The following NELL2 variants were observed in gnomAD, a reference collection of about 807,000 sequenced individuals.
NELL2 encodes protein kinase C-binding protein NELL2.
NELL2 carries 41 observed loss-of-function variants against 109.6 expected under a neutral mutation model. The ratio of observed to expected loss-of-function variants is 0.37; its 90% CI spans 0.29 to 0.49. The LOEUF is 0.49. Ranked by LOEUF, NELL2 falls within the 20% of genes least tolerant of loss-of-function variation. NELL2 has a pLI of 0.98. For missense variants in NELL2, 900 were observed against 1,008.3 expected (o/e 0.89, Z 1.45); for synonymous variants, 355 against 344.7 (o/e 1.03, Z -0.33).
At chr12:44,628,069 T>TA (rs1157886419) in intron 13 of NELL2, among the ~76,000 whole-genome samples, 1 of 152,198 alleles carries the variant, frequency 6.6e-6, no homozygotes, top group Non-Finnish European at 1.5e-5. Context: ...ACGTACTTTA[T>TA]AATCAATGCT....
intron 9 of NELL2, among the ~76,000 whole-genome samples, chr12:44,718,852 G>A (rs1412000486): frequency 6.6e-6 from 1 of 152,112 alleles, no homozygotes; most frequent in Non-Finnish European, 1.5e-5. Flanking sequence ...GACTCTAGTA[G>A]GTGCTGCTGT....
At chr12:44,690,287 T>C (rs1948859212) in intron 12 of NELL2, among the ~76,000 whole-genome samples, 1 of 152,190 alleles carries the variant, frequency 6.6e-6, no homozygotes, top group Non-Finnish European at 1.5e-5. Context: ...TCCTCTCCAG[T>C]TGAGCATATA....
At chr12:44,836,278 T>G (rs547351910) in intron 2 of NELL2, among the ~76,000 whole-genome samples, 2 of 152,284 alleles carry the variant, frequency 1.3e-5, no homozygotes. Context: ...ATTCCCACAC[T>G]AGGCGGGTGA....
At position 44,781,301 on chromosome 12, in the gene NELL2, G is replaced by C. The variant is rs151326166; in HGVS notation, c.336-1279C>G. Among the ~76,000 whole-genome samples the C allele has an allele frequency of 9.9e-5, 15 of 151,774 alleles. No individual in the cohort carries two copies. The East Asian group carries it at 2.9e-3, about 29-fold the overall frequency. ...AGCAGAATGGAAGTGACTGTGAAAAGAATCAGTTATCTGGAAGACAGAAAA... is the reference window on the plus strand; with the variant it reads ...AGCAGAATGGAAGTGACTGTGAAAACAATCAGTTATCTGGAAGACAGAAAA... On this transcript the variant is annotated intron_variant, in intron 3 of 19. Coordinates refer to ENST00000429094, the MANE Select transcript of NELL2 (RefSeq NM_001145108.2).
intron 3 of NELL2, among the ~76,000 whole-genome samples, chr12:44,800,816 G>A (rs946008728): frequency 6.6e-6 from 1 of 152,184 alleles, no homozygotes; most frequent in Non-Finnish European, 1.5e-5. Context: ...AAGCATTGAT[G>A]CATGGAAGAC....
intron 15 of NELL2, among the ~76,000 whole-genome samples, chr12:44,549,382 G>A (rs1191127279): frequency 6.6e-6 from 1 of 152,168 alleles, no homozygotes; most frequent in Non-Finnish European, 1.5e-5. Context: ...TAGGGAAGAG[G>A]GGAAGGGTGG....
chr12:44,697,422 T>C (rs1400027376), intron 12 of NELL2, among the ~76,000 whole-genome samples: 1 of 152,082 alleles, frequency 6.6e-6, no homozygotes, highest in Admixed American at 6.5e-5. Flanking sequence ...CTTTGGGGTA[T>C]GGAGGAAACT....
intron 9 of NELL2, among the ~76,000 whole-genome samples, chr12:44,768,424 A>G (rs1280287724): frequency 6.6e-6 from 1 of 152,122 alleles, no homozygotes; most frequent in East Asian, 1.9e-4. Flanking sequence ...TTTAGAGAAA[A>G]CATTCCCTAT....
rs1945314471 is a variant in NELL2, at chr12:44,876,143, G to C, written c.-274C>G. 7.8e-7 allele frequency: 1 copy of C among 1,278,980 alleles called. No individual in the cohort carries two copies. The highest frequency in any genetic ancestry group is 3.5e-5 in the Admixed American group (1 of 28,868). 79.2% of individuals were successfully genotyped at this position (1,278,980 alleles called of 1,614,324 possible). ...CGGAGGGGGCCCGGAGGGAGGGGTC[G>C]GACTCGCCCCGGCGCGGCTCCGTCG... On this transcript the variant is annotated 5_prime_UTR_variant, in exon 1 of 20. Coordinates refer to ENST00000429094, the MANE Select transcript of NELL2 (RefSeq NM_001145108.2).
chr12:44,842,878 T>C (rs1160477568), intron 2 of NELL2, among the ~76,000 whole-genome samples: 2 of 151,914 alleles, frequency 1.3e-5, no homozygotes, highest in Non-Finnish European at 2.9e-5. Flanking sequence ...ATTGAGATGA[T>C]GCAGTTATAA....
At chr12:44,754,385 C>T (rs1480277610) in intron 9 of NELL2, among the ~76,000 whole-genome samples, 1 of 152,116 alleles carries the variant, frequency 6.6e-6, no homozygotes, top group Non-Finnish European at 1.5e-5. Context: ...GAGATATCAC[C>T]CTTTTGTTTC....
At chr12:44,797,957 AATCATTCCATCCT>A (rs1473000232) in intron 3 of NELL2, among the ~76,000 whole-genome samples, 23 of 51,298 alleles carry the variant, frequency 4.5e-4, no homozygotes, top group Non-Finnish European at 1.1e-3. Context: ...GATGGAATAA[AATCATTCCATCCT>A]AGATGGAATA....
intron 17 of NELL2, 102 bp downstream of exon 17, chr12:44,523,189 T>C (rs1012652680): frequency 9.2e-7 from 1 of 1,081,652 alleles, no homozygotes; most frequent in South Asian, 1.4e-5. Context: ...GGTAGGTAAG[T>C]GGATGTACAC....
At chr12:44,547,960 T>A (rs769479889) in intron 15 of NELL2, among the ~76,000 whole-genome samples, 5 of 152,210 alleles carry the variant, frequency 3.3e-5, no homozygotes, top group African/African-American at 4.8e-5. Flanking sequence ...GCTGAACGTA[T>A]AATTGAACCA....
At chr12:44,613,643 A>C (rs748377152) in intron 13 of NELL2, among the ~76,000 whole-genome samples, 23 of 151,208 alleles carry the variant, frequency 1.5e-4, no homozygotes, top group Non-Finnish European at 3.2e-4. Flanking sequence ...CTTAAAATAA[A>C]GTTGGTTATA....
At chr12:44,686,979 C>G (rs529437441) in intron 12 of NELL2, among the ~76,000 whole-genome samples, 29 of 152,300 alleles carry the variant, frequency 1.9e-4, no homozygotes, top group African/African-American at 6.7e-4. Context: ...TTTACCTAAG[C>G]AAGCCTGGGC....
intron 1 of NELL2, among the ~76,000 whole-genome samples, chr12:44,908,244 A>C (rs1379779708): frequency 6.6e-6 from 1 of 152,024 alleles, no homozygotes; most frequent in African/African-American, 2.4e-5. Context: ...AAGAAATAGA[A>C]GAGTTGTATT....
At position 44,612,415 on chromosome 12, in the gene NELL2, C is replaced by CAA. The variant is rs780463505; in HGVS notation, c.1445-1447_1445-1446dup. On this transcript the variant is annotated intron_variant, in intron 13 of 19. Transcript: ENST00000429094. ...CAATCACCAAGGTTCTAGAACTGCACAAATGGATATATTATTTTCCAAATT... is the reference window on the plus strand; with the variant it reads ...CAATCACCAAGGTTCTAGAACTGCACAAAAATGGATATATTATTTTCCAAATT... 1.3e-4 allele frequency among the ~76,000 whole-genome samples: 20 copies of CAA among 151,672 alleles called. No homozygotes were observed. The South Asian group carries it at 3.6e-3, about 27-fold the overall frequency.
intron 3 of NELL2, among the ~76,000 whole-genome samples, chr12:44,796,053 T>A (rs1395608005): frequency 1.3e-5 from 2 of 152,072 alleles, no homozygotes; most frequent in African/African-American, 4.8e-5. Flanking sequence ...AAGTTAAAAA[T>A]TCTCTCTAAG....
Sources: allele counts gnomAD v4.1 joint callset (sites outside exome capture counted in the v4.1 genomes callset), GRCh38; gene constraint gnomAD v4.1.1; transcripts MANE v1.5; gene names NCBI Gene and HGNC (gene_info 2026-07-23, HGNC 2026-07-21).